Variants in XKR6 observed in about 807,000 individuals in gnomAD.
The protein encoded by XKR6 is XK related 6, also known as XK-related protein 6.
A neutral mutation model predicts 56.7 loss-of-function variants in XKR6; 22 were observed. The ratio of observed to expected loss-of-function variants is 0.39; its 90% CI spans 0.28 to 0.55. The LOEUF is 0.55. Among genes scored for constraint, XKR6 ranks in the 20% least tolerant of loss-of-function variants. XKR6 has a pLI of 0.66. For synonymous variants in XKR6, 524 were observed against 387.8 expected, an observed-to-expected ratio of 1.35 and a Z score of -4.13; for missense variants, 852 against 889.0, an observed-to-expected ratio of 0.96 and a Z score of 0.53.
chr8:10,904,175 C>A (rs1369644784), intron 2 of XKR6, among the ~76,000 whole-genome samples: 2 of 152,198 alleles, frequency 1.3e-5, no homozygotes, highest in Non-Finnish European at 2.9e-5. Flanking sequence ...ACCTTCACAG[C>A]TCCCTTTCCC....
chr8:11,000,098 G>T (rs1798205062), intron 1 of XKR6, among the ~76,000 whole-genome samples: 1 of 152,100 alleles, frequency 6.6e-6, no homozygotes. Context: ...CAAAGAAACA[G>T]ACCCATGGGA....
intron 1 of XKR6, among the ~76,000 whole-genome samples, chr8:10,983,437 T>C (rs1385886895): frequency 6.6e-6 from 1 of 151,970 alleles, no homozygotes; most frequent in East Asian, 1.9e-4. Context: ...AATTATCTTA[T>C]AGAAAAATAT....
intron 1 of XKR6, chr8:11,138,245 T>C (rs1563166203): frequency 6.5e-6 from 1 of 153,272 alleles, no homozygotes; most frequent in Non-Finnish European, 1.5e-5. Flanking sequence ...GTGTCTCATG[T>C]TGAAATGTTA....
chr8:11,194,610 T>C (rs1341498510), intron 1 of XKR6: 1 of 152,386 alleles, frequency 6.6e-6, no homozygotes, highest in Non-Finnish European at 1.5e-5. Context: ...GTAAAGCAAA[T>C]CATCCTGGGG....
chr8:10,948,932 T>G (rs909724549), intron 1 of XKR6, among the ~76,000 whole-genome samples: 3 of 152,124 alleles, frequency 2.0e-5, no homozygotes, highest in African/African-American at 7.2e-5. Flanking sequence ...AGCCCAAATC[T>G]TCAGGTGATC....
At chr8:11,128,950 A>G (rs772795272) in intron 1 of XKR6, 2 of 456,708 alleles carry the variant, frequency 4.4e-6, no homozygotes, top group South Asian at 3.1e-5. Context: ...AAGCAGCCAG[A>G]AAGTCTTTTT....
intron 1 of XKR6, among the ~76,000 whole-genome samples, chr8:10,980,666 ATCTG>A (rs1361222607): frequency 3.3e-5 from 5 of 152,104 alleles, no homozygotes; most frequent in Non-Finnish European, 5.9e-5. Context: ...ATCTCTGTCT[ATCTG>A]TCTGTCTATC....
intron 1 of XKR6, chr8:11,137,764 CCT>C (rs1164846129): frequency 4.4e-6 from 2 of 450,100 alleles, no homozygotes; most frequent in African/African-American, 2.0e-5. Context: ...CTGCTCCGGT[CCT>C]CTTTCTCTTT....
chr8:10,929,046 C>T (rs1025672204), intron 1 of XKR6, among the ~76,000 whole-genome samples: 1 of 152,188 alleles, frequency 6.6e-6, no homozygotes, highest in African/African-American at 2.4e-5. Flanking sequence ...TTGAGCAAGT[C>T]ACCTCCCATG....
At chr8:10,969,893 C>T (rs762535602) in intron 1 of XKR6, among the ~76,000 whole-genome samples, 17 of 152,348 alleles carry the variant, frequency 1.1e-4, no homozygotes, top group African/African-American at 3.8e-4. Context: ...GCTGCCGTCC[C>T]GCCTCTCACC....
chr8:11,050,250 C>G (rs1799511698), intron 1 of XKR6, among the ~76,000 whole-genome samples: 1 of 152,162 alleles, frequency 6.6e-6, no homozygotes, highest in Non-Finnish European at 1.5e-5. Flanking sequence ...CGACAGGATT[C>G]AAGAATATGG....
At chr8:10,985,796 G>A (rs958925920) in intron 1 of XKR6, among the ~76,000 whole-genome samples, 3 of 152,096 alleles carry the variant, frequency 2.0e-5, no homozygotes, top group Non-Finnish European at 4.4e-5. Flanking sequence ...CTAATACATG[G>A]GGTTGTGTCA....
chr8:10,931,306 A>G (rs1801043432), intron 1 of XKR6, among the ~76,000 whole-genome samples: 2 of 152,198 alleles, frequency 1.3e-5, no homozygotes, highest in East Asian at 1.9e-4. Flanking sequence ...GAGACATACC[A>G]TGTTCAGGGA....
At chr8:11,075,936 A>G in intron 1 of XKR6, among the ~76,000 whole-genome samples, 1 of 152,236 alleles carries the variant, frequency 6.6e-6, no homozygotes, top group East Asian at 1.9e-4. Context: ...TCACAGCAGC[A>G]TGATTCTCAA....
chr8:10,939,262 G>A (rs1801316047), intron 1 of XKR6, among the ~76,000 whole-genome samples: 1 of 152,202 alleles, frequency 6.6e-6, no homozygotes, highest in Non-Finnish European at 1.5e-5. Context: ...CCCTGGCAGA[G>A]AAGAATCCAG....
At chr8:10,948,724 G>A (rs569527684) in intron 1 of XKR6, among the ~76,000 whole-genome samples, 21 of 152,064 alleles carry the variant, frequency 1.4e-4, no homozygotes, top group Non-Finnish European at 2.8e-4. Context: ...GGAAGGCCCC[G>A]CACTCCCACC....
intron 2 of XKR6, among the ~76,000 whole-genome samples, chr8:10,900,466 G>A (rs1443845303): frequency 1.3e-5 from 2 of 152,190 alleles, no homozygotes; most frequent in Non-Finnish European, 2.9e-5. Context: ...CAGAGTCCTA[G>A]CTTGCAGAAC....
chr8:10,911,477 A>G (rs541952148), intron 2 of XKR6, among the ~76,000 whole-genome samples: 16 of 147,646 alleles, frequency 1.1e-4, no homozygotes, highest in Middle Eastern at 3.6e-3. Flanking sequence ...ATGTATGTGT[A>G]TATATATATA....
At chr8:11,068,134 C>A (rs1346086998) in intron 1 of XKR6, among the ~76,000 whole-genome samples, 1 of 152,238 alleles carries the variant, frequency 6.6e-6, no homozygotes, top group South Asian at 2.1e-4. Context: ...CCTCTCCCAG[C>A]CCATCTGCTC....
Sources: gnomAD v4.1 joint callset for allele counts (sites outside exome capture counted in the v4.1 genomes callset) on GRCh38, gnomAD v4.1.1 for gene constraint, MANE v1.5 for transcripts, NCBI Gene and HGNC (gene_info 2026-07-23, HGNC 2026-07-21) for gene names.